The following CPED1 variants were observed in gnomAD, a reference collection of about 807,000 sequenced individuals.
CPED1 encodes cadherin-like and PC-esterase domain-containing protein 1.
A neutral mutation model predicts 128.2 loss-of-function variants in CPED1; 114 were observed. The observed-to-expected ratio is 0.89, with a 90% CI of 0.76 to 1.04. The LOEUF is 1.04. Among genes scored for constraint, CPED1 ranks in the 50% least tolerant of loss-of-function variants. The pLI, the probability that CPED1 is intolerant of heterozygous loss-of-function variation, is 0.00. For missense variants in CPED1, 1,211 were observed against 1,207.1 expected, an observed-to-expected ratio of 1.00 and a Z score of -0.05; for synonymous variants, 462 against 426.7, an observed-to-expected ratio of 1.08 and a Z score of -1.02.
At chr7:121,081,314 A>G (rs1006812662) in intron 5 of CPED1, among the ~76,000 whole-genome samples, 1 of 152,150 alleles carries the variant, frequency 6.6e-6, no homozygotes, top group African/African-American at 2.4e-5. Flanking sequence ...TTGTGGTTAG[A>G]AAGGAACATG....
intron 16 of CPED1, among the ~76,000 whole-genome samples, chr7:121,222,423 T>C (rs1797902048): frequency 6.6e-6 from 1 of 152,184 alleles, no homozygotes; most frequent in Admixed American, 6.6e-5. Flanking sequence ...TGCTTAGGAT[T>C]GTCATGGCAT....
chr7:121,195,246 C>A (rs145159186), intron 16 of CPED1, among the ~76,000 whole-genome samples: 218 of 152,038 alleles, frequency 1.4e-3, no homozygotes, highest in African/African-American at 4.7e-3. Flanking sequence ...TAATACTAAC[C>A]CAGGAAATCT....
At chr7:121,010,020 A>T (rs955826691) in intron 2 of CPED1, among the ~76,000 whole-genome samples, 1 of 152,226 alleles carries the variant, frequency 6.6e-6, no homozygotes, top group Admixed American at 6.5e-5. Flanking sequence ...CTTCTTATTT[A>T]GAACCTGGCA....
chr7:120,993,199 T>C (rs1331857424), intron 2 of CPED1, among the ~76,000 whole-genome samples: 1 of 152,228 alleles, frequency 6.6e-6, no homozygotes, highest in East Asian at 1.9e-4. Context: ...TCAATAGATT[T>C]ATCTATTTTA....
intron 3 of CPED1, among the ~76,000 whole-genome samples, chr7:121,030,914 C>T (rs1792711377): frequency 6.6e-6 from 1 of 152,186 alleles, no homozygotes; most frequent in African/African-American, 2.4e-5. Context: ...CTATTTCTCA[C>T]TTCTAGTCCA....
In CPED1 at chr7:121,224,566, G is replaced by T. The variant is rs898928009; in HGVS notation, c.2056-12148G>T. ...CTAATATTGACAGTGGGGTATTAAA[G>T]TCTCCCATTATAATGGTATGGAAAT... On this transcript the variant is annotated intron_variant, in intron 16 of 22. Transcript: ENST00000310396. 2.6e-5 allele frequency among the ~76,000 whole-genome samples: 4 copies of T among 152,172 alleles called. No homozygotes were observed. The South Asian group carries it at 6.2e-4, about 24-fold the overall frequency.
intron 3 of CPED1, among the ~76,000 whole-genome samples, chr7:121,023,301 G>C (rs1347316735): frequency 6.6e-6 from 1 of 152,094 alleles, no homozygotes; most frequent in Non-Finnish European, 1.5e-5. Context: ...GTGCTTGAAT[G>C]CAAGATTTAT....
chr7:121,228,577 G>A (rs7799790), intron 16 of CPED1, among the ~76,000 whole-genome samples: 55,640 of 110,538 alleles, frequency 0.5, 10,907 homozygotes, highest in Middle Eastern at 0.59. Flanking sequence ...CAATGATATG[G>A]AGATTTCTCA....
chr7:121,244,149 A>G (rs1289463941), intron 17 of CPED1, 53 bp from the exon 18 acceptor site: 1 of 1,611,224 alleles, frequency 6.2e-7, no homozygotes. Context: ...AAAGTTACTT[A>G]CAAACTTCAC....
chr7:121,046,163 A>G (rs1793188083), intron 3 of CPED1, among the ~76,000 whole-genome samples: 1 of 152,132 alleles, frequency 6.6e-6, no homozygotes, highest in African/African-American at 2.4e-5. Flanking sequence ...TACCCTTCTG[A>G]GATTATTTTG....
intron 4 of CPED1, among the ~76,000 whole-genome samples, chr7:121,047,789 C>T (rs1035391579): frequency 3.3e-5 from 5 of 150,876 alleles, no homozygotes; most frequent in African/African-American, 1.2e-4. Context: ...CGGCTTACTG[C>T]AAGCTCCGCC....
At chr7:121,064,860 T>C (rs1047444625) in intron 5 of CPED1, among the ~76,000 whole-genome samples, 1 of 152,216 alleles carries the variant, frequency 6.6e-6, no homozygotes. Context: ...TCAGAAGGTA[T>C]ATGAACCCTC....
chr7:121,214,790 A>AAGC (rs1381535030), intron 16 of CPED1, among the ~76,000 whole-genome samples: 1 of 152,024 alleles, frequency 6.6e-6, no homozygotes, highest in African/African-American at 2.4e-5. Flanking sequence ...TCAGTTTTGA[A>AAGC]AGCATTAGCA....
intron 5 of CPED1, among the ~76,000 whole-genome samples, chr7:121,091,772 T>C (rs1014695219): frequency 6.6e-6 from 1 of 152,200 alleles, no homozygotes; most frequent in Non-Finnish European, 1.5e-5. Context: ...AGAAATTGAC[T>C]CATGATTACA....
At chr7:121,170,225 C>G (rs1018577775) in intron 16 of CPED1, among the ~76,000 whole-genome samples, 1 of 152,138 alleles carries the variant, frequency 6.6e-6, no homozygotes. Context: ...TTCAGATGCT[C>G]TATGCTCAGT....
intron 7 of CPED1, among the ~76,000 whole-genome samples, chr7:121,101,358 A>G (rs1341036175): frequency 1.3e-5 from 2 of 151,986 alleles, no homozygotes; most frequent in Non-Finnish European, 2.9e-5. Flanking sequence ...AGTGTTTTCA[A>G]TTTGAGTCTG....
rs896111921 is a variant in CPED1, at chr7:121,295,911, A to G, written c.*259A>G. The G allele has an allele frequency of 1.4e-5, 5 of 350,392 alleles. No homozygotes were observed. In the East Asian group the frequency reaches 2.1e-4, roughly 15 times the overall value. The allele number at this position is 350,392 out of a possible 1,614,324, so 21.7% of individuals were successfully genotyped here. A position where few individuals can be genotyped will look rare whatever the true frequency, so the allele number is the denominator to read the frequency against. On this transcript the variant is annotated 3_prime_UTR_variant, in exon 23 of 23. Coordinates refer to ENST00000310396, the MANE Select transcript of CPED1 (RefSeq NM_024913.5). ...TACCTAGAGAAACGTTACTTGAAGC[A>G]TAATTATTAACCAGAACCACTGTGG...
intron 4 of CPED1, among the ~76,000 whole-genome samples, chr7:121,048,225 G>C (rs1360938520): frequency 6.6e-6 from 1 of 152,132 alleles, no homozygotes; most frequent in Non-Finnish European, 1.5e-5. Flanking sequence ...ATATGCAACA[G>C]GCTGCTGAAC....
intron 16 of CPED1, among the ~76,000 whole-genome samples, chr7:121,233,996 A>T (rs1406945538): frequency 6.6e-6 from 1 of 152,066 alleles, no homozygotes; most frequent in Non-Finnish European, 1.5e-5. Flanking sequence ...AGAGTGATCA[A>T]GAAAAAGTGG....
Sources: gnomAD v4.1 joint callset for allele counts (sites outside exome capture counted in the v4.1 genomes callset) on GRCh38, gnomAD v4.1.1 for gene constraint, MANE v1.5 for transcripts, NCBI Gene and HGNC (gene_info 2026-07-23, HGNC 2026-07-21) for gene names.